The following ADAMTSL3 variants were observed in gnomAD, a reference collection of about 807,000 sequenced individuals.
The protein encoded by ADAMTSL3 is ADAMTS like 3, also known as ADAMTS-like protein 3.
A neutral mutation model predicts 201.7 loss-of-function variants in ADAMTSL3; 128 were observed. The ratio of observed to expected loss-of-function variants is 0.63; its 90% CI spans 0.55 to 0.73. The LOEUF is 0.73. Among genes scored for constraint, ADAMTSL3 ranks in the 30% least tolerant of loss-of-function variants. The probability of loss-of-function intolerance (pLI) is 0.00; values close to 1 mark genes in which losing one functional copy is unlikely to be tolerated. For missense variants in ADAMTSL3, 1,990 were observed against 2,119.6 expected, an observed-to-expected ratio of 0.94 and a Z score of 1.20; for synonymous variants, 738 against 748.4, an observed-to-expected ratio of 0.99 and a Z score of 0.23.
chr15:83,971,904 T>C (rs2067203620), intron 20 of ADAMTSL3, among the ~76,000 whole-genome samples: 1 of 148,342 alleles, frequency 6.7e-6, no homozygotes, highest in Admixed American at 6.8e-5. Context: ...TATATATATG[T>C]TTTATATATA....
chr15:83,821,060 C>T (rs143715721), intron 6 of ADAMTSL3, among the ~76,000 whole-genome samples: 3,413 of 150,812 alleles, frequency 0.023, 63 homozygotes, highest in Non-Finnish European at 0.038. Context: ...AGTGACAGAG[C>T]GAGACTGTCT....
At chr15:83,782,537 T>C (rs897971111) in intron 4 of ADAMTSL3, among the ~76,000 whole-genome samples, 4 of 152,152 alleles carry the variant, frequency 2.6e-5, no homozygotes, top group Non-Finnish European at 5.9e-5. Flanking sequence ...TGGAATACTA[T>C]GCAGCCATAA....
intron 3 of ADAMTSL3, among the ~76,000 whole-genome samples, chr15:83,715,554 C>T (rs1318924063): frequency 6.6e-6 from 1 of 152,186 alleles, no homozygotes; most frequent in Non-Finnish European, 1.5e-5. Context: ...GTCTTTTCCA[C>T]CAGGCTTTGA....
At chr15:83,773,886 G>A (rs889943493) in intron 4 of ADAMTSL3, among the ~76,000 whole-genome samples, 1 of 152,178 alleles carries the variant, frequency 6.6e-6, no homozygotes, top group African/African-American at 2.4e-5. Context: ...TGGGCTTTGA[G>A]GAAAGGAAAT....
chr15:83,735,734 C>A (rs768239635), intron 3 of ADAMTSL3, among the ~76,000 whole-genome samples: 50 of 151,778 alleles, frequency 3.3e-4, no homozygotes, highest in Non-Finnish European at 6.2e-4. Flanking sequence ...CCATCAGGAT[C>A]AAACACTTAG....
chr15:83,868,276 G>A (rs1418339115), intron 8 of ADAMTSL3, among the ~76,000 whole-genome samples: 1 of 152,162 alleles, frequency 6.6e-6, no homozygotes, highest in Non-Finnish European at 1.5e-5. Flanking sequence ...ACAACATGGG[G>A]CTACAGTAAA....
At chr15:83,970,213 T>G (rs2067167693) in intron 19 of ADAMTSL3, among the ~76,000 whole-genome samples, 1 of 133,014 alleles carries the variant, frequency 7.5e-6, no homozygotes, top group African/African-American at 2.9e-5. Flanking sequence ...AAAGAAAGAG[T>G]GAGATGGAAG....
At chr15:83,704,251 C>A in intron 2 of ADAMTSL3, 138 bp from the exon 3 acceptor site, 2 of 1,338,658 alleles carry the variant, frequency 1.5e-6, no homozygotes, top group African/African-American at 1.5e-5. Flanking sequence ...CTGGTCTTTG[C>A]CAAGAGAGGT....
intron 4 of ADAMTSL3, among the ~76,000 whole-genome samples, chr15:83,798,186 T>C (rs191718232): frequency 2.0e-4 from 30 of 152,290 alleles, no homozygotes; most frequent in Middle Eastern, 3.4e-3. Context: ...TTGCTTAACT[T>C]TTTCATTTCT....
In ADAMTSL3 at chr15:83,704,471, CA is replaced by C; in HGVS notation, c.153del (p.Glu53SerfsTer51). On this transcript the variant is annotated frameshift_variant, in exon 3 of 30. Transcript: ENST00000286744. LOFTEE classifies it high-confidence loss of function. ...CAGGGAAGTTTTCTGGAAGACACAA[CA>C]GGGGAGCAGTTCCTCACTTATCGCT... ...SPQGSFLEDT[T>X]GEQFLTYRYD... 2 of 1,614,196 alleles carry C rather than the reference CA, an allele frequency of 1.2e-6. No homozygotes were observed. Among genetic ancestry groups the C allele is most frequent in the Non-Finnish European group, 1.7e-6 (2 of 1,180,026 alleles).
chr15:83,681,278 G>A (rs552907152), intron 2 of ADAMTSL3, among the ~76,000 whole-genome samples: 41 of 152,198 alleles, frequency 2.7e-4, no homozygotes, highest in Non-Finnish European at 5.6e-4. Context: ...CCATGTCAGA[G>A]GAAAATAGAA....
chr15:83,921,525 A>G (rs897751142), intron 16 of ADAMTSL3, among the ~76,000 whole-genome samples: 8 of 152,170 alleles, frequency 5.3e-5, no homozygotes. Flanking sequence ...TGTGTGTGTT[A>G]TGTTATTTGA....
intron 2 of ADAMTSL3, among the ~76,000 whole-genome samples, chr15:83,669,452 GGTTTTTTTT>G (rs2061294439): frequency 8.5e-6 from 1 of 117,762 alleles, no homozygotes; most frequent in African/African-American, 3.4e-5. Context: ...CCGGGAGTGA[GGTTTTTTTT>G]TTTTTTTTTT....
At chr15:83,957,814 G>A (rs1220237804) in intron 19 of ADAMTSL3, among the ~76,000 whole-genome samples, 6 of 152,120 alleles carry the variant, frequency 3.9e-5, no homozygotes, top group African/African-American at 9.7e-5. Flanking sequence ...TTATAATTGC[G>A]TGAATCATCA....
At chr15:83,819,003 T>G (rs1337119701) in intron 5 of ADAMTSL3, among the ~76,000 whole-genome samples, 5 of 152,164 alleles carry the variant, frequency 3.3e-5, no homozygotes, top group African/African-American at 1.2e-4. Flanking sequence ...CCGGGCACTG[T>G]GGCTCACGCC....
intron 22 of ADAMTSL3, among the ~76,000 whole-genome samples, chr15:83,990,429 G>A (rs1022394130): frequency 6.6e-6 from 1 of 152,170 alleles, no homozygotes; most frequent in Admixed American, 6.5e-5. Context: ...TGTGCTTATC[G>A]AAAGAGGAGA....
At chr15:83,868,729 G>A (rs774541112) in intron 8 of ADAMTSL3, among the ~76,000 whole-genome samples, 1 of 152,206 alleles carries the variant, frequency 6.6e-6, no homozygotes, top group African/African-American at 2.4e-5. Flanking sequence ...GTACCATTTA[G>A]TGGAGAAGCA....
chr15:84,003,682 T>C (rs1042229465), intron 23 of ADAMTSL3, among the ~76,000 whole-genome samples: 9 of 152,224 alleles, frequency 5.9e-5, no homozygotes, highest in East Asian at 3.8e-4. Flanking sequence ...AATCTACTTA[T>C]ACTGTAAGAA....
intron 2 of ADAMTSL3, among the ~76,000 whole-genome samples, chr15:83,704,187 G>A (rs1488105807): frequency 6.6e-6 from 1 of 152,096 alleles, no homozygotes; most frequent in East Asian, 1.9e-4. Flanking sequence ...TTTGATTCGG[G>A]CCACTGTGAT....
Sources: allele counts gnomAD v4.1 joint callset (sites outside exome capture counted in the v4.1 genomes callset), GRCh38; gene constraint gnomAD v4.1.1; transcripts MANE v1.5; gene names NCBI Gene and HGNC (gene_info 2026-07-23, HGNC 2026-07-21).